OR51B5: variants seen among roughly 807,000 people sequenced by gnomAD.
OR51B5 encodes the protein olfactory receptor family 51 subfamily B member 5.
For synonymous variants in OR51B5, 186 were observed against 144.8 expected, an observed-to-expected ratio of 1.28 and a Z score of -2.04; for missense variants, 456 against 374.6, an observed-to-expected ratio of 1.22 and a Z score of -1.79.
intron 1 of OR51B5, among the ~76,000 whole-genome samples, chr11:5,471,879 C>T (rs879615974): frequency 6.6e-6 from 1 of 152,062 alleles, no homozygotes; most frequent in Non-Finnish European, 1.5e-5. Flanking sequence ...ATTGAAGGTG[C>T]TTATTCAGAC....
intron 1 of OR51B5, among the ~76,000 whole-genome samples, chr11:5,451,450 C>T (rs558766737): frequency 7.2e-5 from 11 of 152,276 alleles, no homozygotes; most frequent in Admixed American, 2.0e-4. Flanking sequence ...AGACAAACAT[C>T]AGTTCTGGAT....
chr11:5,500,347 A>C (rs1851700213), intron 1 of OR51B5, among the ~76,000 whole-genome samples: 2 of 152,208 alleles, frequency 1.3e-5, no homozygotes, highest in Non-Finnish European at 2.9e-5. Flanking sequence ...GTTGCATGAG[A>C]ATCTGATTTT....
chr11:5,358,796 T>C (rs1849234476), intron 1 of OR51B5, among the ~76,000 whole-genome samples: 2 of 152,160 alleles, frequency 1.3e-5, no homozygotes, highest in Non-Finnish European at 2.9e-5. Flanking sequence ...TTATCCACCA[T>C]GATCAAGTGG....
In OR51B5 at chr11:5,454,308, GTCC is replaced by G. The variant is rs762213217; in HGVS notation, n.84+51258_84+51260del. On this transcript the variant is annotated intron_variant and non_coding_transcript_variant, in intron 1 of 4. Coordinates refer to the OR51B5 transcript ENST00000415970. ...GAAGCATGTCCCATGCTACATACAT[GTCC>G]TCATGTCAAATGTGTACCTATTTGT... The G allele has an allele frequency of 3.1e-6, 5 of 1,613,992 alleles. No homozygotes were observed. The African/African-American group carries it at 6.7e-5, about 22-fold the overall frequency.
intron 1 of OR51B5, among the ~76,000 whole-genome samples, chr11:5,404,037 A>G (rs1850017300): frequency 6.6e-6 from 1 of 151,756 alleles, no homozygotes; most frequent in Admixed American, 6.6e-5. Flanking sequence ...CAACCTCACC[A>G]AGGCCCCAAC....
chr11:5,489,802 A>C lies in OR51B5; in HGVS notation n.84+15767T>G. Reference sequence around the variant, plus strand: ...TGGAAGGAAGAGGAATAGCCAGATGAATCAGAGCTATCAATTATCACACTG... The same window carrying C: ...TGGAAGGAAGAGGAATAGCCAGATGCATCAGAGCTATCAATTATCACACTG... On this transcript the variant is annotated intron_variant and non_coding_transcript_variant, in intron 1 of 4. Transcript: ENST00000415970. 6.0e-6 allele frequency: 4 copies of C among 669,010 alleles called. No homozygotes were observed. In the East Asian group the frequency reaches 1.0e-4, roughly 17 times the overall value. 41.4% of individuals were successfully genotyped at this position (669,010 alleles called of 1,614,324 possible). A position where few individuals can be genotyped will look rare whatever the true frequency, so the allele number is the denominator to read the frequency against.
At chr11:5,401,612 A>G (rs1849968052) in intron 1 of OR51B5, among the ~76,000 whole-genome samples, 1 of 152,214 alleles carries the variant, frequency 6.6e-6, no homozygotes. Context: ...ACCATGCTAT[A>G]GACCTTGTCT....
chr11:5,419,630 G>A (rs1850299944), intron 1 of OR51B5, among the ~76,000 whole-genome samples: 1 of 152,062 alleles, frequency 6.6e-6, no homozygotes, highest in Non-Finnish European at 1.5e-5. Context: ...ACCATTTTAG[G>A]TATGGAACAT....
chr11:5,498,301 G>A (rs990563968), intron 1 of OR51B5, among the ~76,000 whole-genome samples: 1 of 152,142 alleles, frequency 6.6e-6, no homozygotes, highest in African/African-American at 2.4e-5. Context: ...CAATGGCACT[G>A]CTAACCATGA....
upstream of OR51B5, chr11:5,343,775 ATGC>A (rs1564912568): frequency 1.1e-5 from 4 of 380,080 alleles, no homozygotes; most frequent in Admixed American, 4.1e-5. Flanking sequence ...AACTGTTTAT[ATGC>A]ATTTAAGCAT....
chr11:5,361,784 C>T (rs1421421745), intron 1 of OR51B5, among the ~76,000 whole-genome samples: 2 of 152,058 alleles, frequency 1.3e-5, no homozygotes, highest in East Asian at 1.9e-4. Context: ...TGAAAATCCA[C>T]GGGAATACAG....
chr11:5,358,922 G>A (rs963282732), intron 1 of OR51B5, among the ~76,000 whole-genome samples: 324 of 151,348 alleles, frequency 2.1e-3, no homozygotes, highest in Middle Eastern at 0.01. Flanking sequence ...ATGCAGAAAA[G>A]GCCTTTGACA....
chr11:5,462,550 T>C (rs1011841210), intron 1 of OR51B5, among the ~76,000 whole-genome samples: 9 of 152,222 alleles, frequency 5.9e-5, no homozygotes, highest in Non-Finnish European at 1.2e-4. Context: ...TATAGTTCAG[T>C]TGGATGAGAA....
chr11:5,454,443 T>G, intron 1 of OR51B5: 1 of 1,581,748 alleles, frequency 6.3e-7, no homozygotes, highest in Non-Finnish European at 8.6e-7. Flanking sequence ...ACACTTGGCT[T>G]TAGAATCTGT....
At chr11:5,478,061 CACAG>C (rs1278666115) in intron 1 of OR51B5, among the ~76,000 whole-genome samples, 1 of 151,932 alleles carries the variant, frequency 6.6e-6, no homozygotes, top group African/African-American at 2.4e-5. Context: ...GGGGGCAGGG[CACAG>C]ACAAACAAAA....
intron 1 of OR51B5, chr11:5,402,683 G>A (rs997797896): frequency 2.1e-6 from 1 of 471,242 alleles, no homozygotes; most frequent in Admixed American, 2.3e-5. Context: ...AGCACCTCTG[G>A]ATATCCGTCC....
chr11:5,390,720 C>T (rs1164656466), intron 1 of OR51B5: 1 of 199,314 alleles, frequency 5.0e-6, no homozygotes, highest in African/African-American at 2.3e-5. Context: ...AGAGGAGAGC[C>T]TGGCAGAGAC....
intron 1 of OR51B5, chr11:5,430,618 G>T (rs555868568): frequency 1.4e-5 from 6 of 419,782 alleles, no homozygotes; most frequent in South Asian, 1.0e-4. Context: ...CGGAATTTAT[G>T]AATTTAATGA....
At chr11:5,468,764 G>C (rs1564823650) in intron 1 of OR51B5, 1 of 456,078 alleles carries the variant, frequency 2.2e-6, no homozygotes, top group East Asian at 7.0e-5. Context: ...GAGCACATAG[G>C]AGAGGAGGAT....
Sources: gnomAD v4.1 joint callset for allele counts (sites outside exome capture counted in the v4.1 genomes callset) on GRCh38, gnomAD v4.1.1 for gene constraint, MANE v1.5 for transcripts, NCBI Gene and HGNC (gene_info 2026-07-23, HGNC 2026-07-21) for gene names.